BNC2: variants seen among roughly 807,000 people sequenced by gnomAD.
The protein encoded by BNC2 is basonuclin zinc finger protein 2.
A neutral mutation model predicts 76.3 loss-of-function variants in BNC2; 20 were observed. The observed-to-expected ratio is 0.26, with a 90% CI of 0.18 to 0.38. The LOEUF is 0.38. BNC2 is among the 10% of genes least tolerant of loss of function. The pLI is 1.00. For missense variants in BNC2, 1,382 were observed against 1,399.8 expected, an observed-to-expected ratio of 0.99 and a Z score of 0.20; for synonymous variants, 582 against 514.8, an observed-to-expected ratio of 1.13 and a Z score of -1.77.
chr9:16,425,552 C>T lies in BNC2; in HGVS notation c.2640-5903G>A, dbSNP rs1294343506. Among the ~76,000 whole-genome samples, 3 of 152,314 alleles carry T rather than the reference C, an allele frequency of 2.0e-5. No homozygotes were observed. In the East Asian group the frequency reaches 5.8e-4, roughly 29 times the overall value. ...TGCTTGTCCCAGGAATGTTAATCAT[C>T]TTCAAGCTTCCGATCTAACTTTGAC... is the stretch of plus-strand genomic sequence containing the variant. On this transcript the variant is annotated intron_variant, in intron 6 of 6. Coordinates refer to ENST00000380672, the MANE Select transcript of BNC2 (RefSeq NM_017637.6).
At chr9:16,776,431 C>T (rs746973686) in intron 1 of BNC2, among the ~76,000 whole-genome samples, 6 of 152,142 alleles carry the variant, frequency 3.9e-5, no homozygotes, top group African/African-American at 7.2e-5. Context: ...TGACCCACAG[C>T]GCCCAGCCAC....
intron 2 of BNC2, among the ~76,000 whole-genome samples, chr9:16,731,753 G>A (rs570112261): frequency 9.9e-5 from 15 of 151,856 alleles, no homozygotes; most frequent in Non-Finnish European, 1.9e-4. Flanking sequence ...TGTAACTTTC[G>A]AGCTGACACC....
intron 1 of BNC2, among the ~76,000 whole-genome samples, chr9:16,844,052 G>A (rs1818902496): frequency 6.6e-6 from 1 of 152,026 alleles, no homozygotes; most frequent in East Asian, 1.9e-4. Flanking sequence ...TCAAGGCTAG[G>A]AGTTCAAGAC....
intron 5 of BNC2, among the ~76,000 whole-genome samples, chr9:16,460,821 C>T (rs753496189): frequency 1.3e-4 from 20 of 151,928 alleles, no homozygotes; most frequent in Non-Finnish European, 2.2e-4. Context: ...AATGACACAG[C>T]AGTACTCGTG....
chr9:16,419,795 T>G, intron 6 of BNC2, 146 bp from the exon 7 acceptor site: 2 of 644,462 alleles, frequency 3.1e-6, no homozygotes, highest in Non-Finnish European at 2.8e-6. Flanking sequence ...AAAGCAAGCA[T>G]TCCCCTATAT....
At chr9:16,535,152 C>G (rs1316250846) in intron 5 of BNC2, among the ~76,000 whole-genome samples, 9 of 152,144 alleles carry the variant, frequency 5.9e-5, no homozygotes. Flanking sequence ...ACTAGGAAAT[C>G]CAAACTTTTG....
chr9:16,476,113 C>A (rs1457787165), intron 5 of BNC2: 5 of 152,162 alleles, frequency 3.3e-5, no homozygotes, highest in Non-Finnish European at 4.4e-5. Flanking sequence ...AAGGGTTTCC[C>A]CCTAAAGATC....
chr9:16,670,102 T>C (rs1822430570), intron 3 of BNC2, among the ~76,000 whole-genome samples: 1 of 152,228 alleles, frequency 6.6e-6, no homozygotes. Context: ...GGTACTATTT[T>C]TAGTTTTTCC....
chr9:16,732,398 G>A (rs1486884268), intron 2 of BNC2, among the ~76,000 whole-genome samples: 1 of 152,056 alleles, frequency 6.6e-6, no homozygotes, highest in African/African-American at 2.4e-5. Flanking sequence ...ACCTCATTGA[G>A]TTCTATGTAA....
At chr9:16,526,466 G>T (rs1041879123) in intron 5 of BNC2, among the ~76,000 whole-genome samples, 58 of 80,420 alleles carry the variant, frequency 7.2e-4, no homozygotes, top group African/African-American at 2.3e-3. Flanking sequence ...ATAGTTTAAT[G>T]CTTTTTTTTT....
chr9:16,704,199 G>T (rs1823594232), intron 3 of BNC2, among the ~76,000 whole-genome samples: 1 of 152,132 alleles, frequency 6.6e-6, no homozygotes, highest in Admixed American at 6.6e-5. Context: ...ACTTGAGTCA[G>T]TTCAAATGTT....
chr9:16,753,242 G>A (rs1465663161), intron 1 of BNC2, among the ~76,000 whole-genome samples: 1 of 152,182 alleles, frequency 6.6e-6, no homozygotes, highest in Non-Finnish European at 1.5e-5. Context: ...ATTAAATCCT[G>A]AAATGCATGT....
intron 1 of BNC2, among the ~76,000 whole-genome samples, chr9:16,848,423 A>G (rs192158287): frequency 2.6e-5 from 4 of 152,338 alleles, no homozygotes; most frequent in African/African-American, 4.8e-5. Flanking sequence ...AACCTATCCA[A>G]TGCAAAACAG....
chr9:16,462,332 G>A lies in BNC2; in HGVS notation c.670-24808C>T, dbSNP rs116066161. ...TGATACATCTAAGAACAGCTCAGGA[G>A]CCATCTCCTGAGATTCTGCCCCCAA... On this transcript the variant is annotated intron_variant, in intron 5 of 6. Coordinates refer to ENST00000380672, the MANE Select transcript of BNC2 (RefSeq NM_017637.6). 4.5e-3 allele frequency among the ~76,000 whole-genome samples: 686 copies of A among 152,250 alleles called. 2 individuals are homozygous for A. The highest frequency in any genetic ancestry group is 0.017 in the Middle Eastern group (5 of 292).
At chr9:16,618,670 G>A (rs994533267) in intron 3 of BNC2, among the ~76,000 whole-genome samples, 8 of 152,162 alleles carry the variant, frequency 5.3e-5, no homozygotes, top group Admixed American at 2.6e-4. Flanking sequence ...AAGAGGTCCA[G>A]AAAGGACAGA....
At chr9:16,542,806 T>A (rs80327733) in intron 5 of BNC2, among the ~76,000 whole-genome samples, 2,226 of 152,318 alleles carry the variant, frequency 0.015, 57 homozygotes, top group African/African-American at 0.051. Flanking sequence ...TTTGCATTTG[T>A]CCCATCTGTA....
At chr9:16,818,398 C>T (rs751876805) in intron 1 of BNC2, among the ~76,000 whole-genome samples, 9 of 151,756 alleles carry the variant, frequency 5.9e-5, no homozygotes, top group Non-Finnish European at 1.2e-4. Flanking sequence ...AGCGAGACTC[C>T]GTCTCAAAAA....
At position 16,459,114 on chromosome 9, in the gene BNC2, T is replaced by C. The variant is rs569491138; in HGVS notation, c.670-21590A>G. The stretch of plus-strand genomic sequence containing the variant: ...AAAAAGAAACAATTATAGAGTTAAA[T>C]AGAAGCCAAAACACATCCATATACA... On this transcript the variant is annotated intron_variant, in intron 5 of 6. Coordinates refer to ENST00000380672, the MANE Select transcript of BNC2 (RefSeq NM_017637.6). Among the ~76,000 whole-genome samples, 36 of 152,314 alleles carry C rather than the reference T, an allele frequency of 2.4e-4. 1 individual carries two copies. The highest frequency in any genetic ancestry group is 3.4e-3 in the Middle Eastern group (1 of 294).
chr9:16,523,492 AC>A (rs201447959), intron 5 of BNC2, among the ~76,000 whole-genome samples: 1,670 of 106,686 alleles, frequency 0.016, 36 homozygotes, highest in African/African-American at 0.12. Context: ...AAAAAACAAA[AC>A]AAAAAAAAAC....
Sources: allele counts gnomAD v4.1 joint callset (sites outside exome capture counted in the v4.1 genomes callset), GRCh38; gene constraint gnomAD v4.1.1; transcripts MANE v1.5; gene names NCBI Gene and HGNC (gene_info 2026-07-23, HGNC 2026-07-21).